Variants in GPHN observed in about 807,000 individuals in gnomAD.
GPHN encodes the protein gephyrin.
A neutral mutation model predicts 95.5 loss-of-function variants in GPHN; 17 were observed. The ratio of observed to expected loss-of-function variants is 0.18; its 90% confidence interval spans 0.12 to 0.27. The LOEUF is 0.27. Ranked by LOEUF, GPHN falls within the 10% of genes least tolerant of loss-of-function variation. The pLI is 1.00. For missense variants in GPHN, 660 were observed against 978.1 expected (o/e 0.67, Z 4.34); for synonymous variants, 320 against 322.5 (o/e 0.99, Z 0.08).
chr14:67,662,190 A>AAAAC, the GPHN span, among the ~76,000 whole-genome samples: 2 of 151,728 alleles, frequency 1.3e-5, no homozygotes, highest in African/African-American at 4.9e-5. Context: ...AAAAAAAAAA[A>AAAAC]CAACAGATTT....
At chr14:66,514,704 TTG>T (rs1228783143) in intron 1 of GPHN, among the ~76,000 whole-genome samples, 3 of 152,126 alleles carry the variant, frequency 2.0e-5, no homozygotes, top group African/African-American at 7.2e-5. Flanking sequence ...TTAGAAATTT[TTG>T]TGACATTAAT....
At chr14:67,573,893 C>T in the GPHN span, 3 of 1,601,644 alleles carry the variant, frequency 1.9e-6, no homozygotes, top group South Asian at 2.2e-5. This position sits in a 1 kb window ranked among gnomAD's most constrained non-coding sequence, Gnocchi z 4.8. Flanking sequence ...TTCAGGTGAG[C>T]ACGCTCCTGG....
intron 3 of GPHN, among the ~76,000 whole-genome samples, chr14:66,779,340 A>G (rs936392876): frequency 6.6e-6 from 1 of 152,214 alleles, no homozygotes; most frequent in Non-Finnish European, 1.5e-5. Flanking sequence ...TTGACATTCA[A>G]TAATGACTTC....
At chr14:66,777,560 T>G (rs888084864) in intron 3 of GPHN, among the ~76,000 whole-genome samples, 5 of 152,246 alleles carry the variant, frequency 3.3e-5, no homozygotes, top group Non-Finnish European at 5.9e-5. Flanking sequence ...TGAACATTGA[T>G]GCAAAAATCC....
At chr14:67,591,511 T>C in the GPHN span, among the ~76,000 whole-genome samples, 1 of 152,212 alleles carries the variant, frequency 6.6e-6, no homozygotes, top group South Asian at 2.1e-4. Context: ...CCTCTAAATT[T>C]ATTATTTTGT....
At chr14:67,645,649 A>T in the GPHN span, 2 of 1,612,676 alleles carry the variant, frequency 1.2e-6, no homozygotes, top group African/African-American at 1.3e-5. Context: ...GCAGCCTGGC[A>T]ATCGGTACCA....
At chr14:66,648,868 G>A (rs908726957) in intron 1 of GPHN, among the ~76,000 whole-genome samples, 9 of 152,146 alleles carry the variant, frequency 5.9e-5, no homozygotes, top group Non-Finnish European at 8.8e-5. Flanking sequence ...TTTAGTTGTT[G>A]CCTGTTCCCT....
the GPHN span, among the ~76,000 whole-genome samples, chr14:67,339,719 T>C: frequency 6.6e-6 from 1 of 152,214 alleles, no homozygotes; most frequent in Non-Finnish European, 1.5e-5. Flanking sequence ...ATGAAATACA[T>C]ATTTGTTGAA....
chr14:66,884,291 A>G (rs1284215657), intron 5 of GPHN, among the ~76,000 whole-genome samples: 4 of 152,058 alleles, frequency 2.6e-5, no homozygotes, highest in African/African-American at 9.7e-5. Context: ...TCAGTCCCAA[A>G]TCTGCCTGCT....
chr14:67,199,299 A>C, the GPHN span: 1 of 1,607,460 alleles, frequency 6.2e-7, no homozygotes, highest in Admixed American at 1.7e-5. Context: ...ATCAGACTCT[A>C]TGGGAAGCCA....
the GPHN span, chr14:67,691,269 TG>T: frequency 6.4e-7 from 1 of 1,551,610 alleles, no homozygotes; most frequent in African/African-American, 1.4e-5. Flanking sequence ...CGATGGAGCG[TG>T]GAAGTGGCTA....
At chr14:67,110,867 T>C (rs1198145966) in intron 14 of GPHN, among the ~76,000 whole-genome samples, 1 of 152,190 alleles carries the variant, frequency 6.6e-6, no homozygotes, top group African/African-American at 2.4e-5. Flanking sequence ...TCTCCCTCCA[T>C]TGCCTCAAGT....
intron 10 of GPHN, among the ~76,000 whole-genome samples, chr14:67,037,083 G>A (rs1040287138): frequency 6.6e-6 from 1 of 151,966 alleles, no homozygotes; most frequent in Non-Finnish European, 1.5e-5. Context: ...CATAAAGACA[G>A]ACATATAAAC....
intron 3 of GPHN, among the ~76,000 whole-genome samples, chr14:66,792,352 A>G (rs2060000156): frequency 6.6e-6 from 1 of 152,028 alleles, no homozygotes; most frequent in Admixed American, 6.6e-5. Context: ...AAAATAAATA[A>G]AATAATACAA....
rs879125093 is a variant in GPHN at position 66,592,728 on chromosome 14, T to C, written c.64+84137T>C. Among the ~76,000 whole-genome samples, 8 of 152,156 alleles carry C rather than the reference T, an allele frequency of 5.3e-5. No individual in the cohort carries two copies. In the South Asian group the frequency reaches 6.2e-4, roughly 12 times the overall value. ...AGAGTGTGAATTAGTTCAACCATTG[T>C]GGAAGACACTGGTGATTCCTCAAGG... On this transcript the variant is annotated intron_variant, in intron 1 of 22. Coordinates refer to ENST00000478722, the MANE Select transcript of GPHN (RefSeq NM_020806.5).
the GPHN span, chr14:67,197,289 G>A: frequency 6.6e-6 from 1 of 152,288 alleles, no homozygotes; most frequent in South Asian, 2.1e-4. Context: ...ATGAAAAGGA[G>A]GAAGCTCAAA....
the GPHN span, among the ~76,000 whole-genome samples, chr14:67,341,246 C>T: frequency 6.6e-6 from 1 of 151,720 alleles, no homozygotes; most frequent in African/African-American, 2.4e-5. Flanking sequence ...TCTGCCCGGC[C>T]GCCCATCGTC....
intron 22 of GPHN, 85 bp from the exon 23 acceptor site, chr14:67,180,719 T>C: frequency 7.5e-7 from 1 of 1,325,658 alleles, no homozygotes; most frequent in Non-Finnish European, 1.1e-6. Flanking sequence ...CATTTCTGTC[T>C]GTTTACATTT....
chr14:66,642,728 T>C (rs1476030665), intron 1 of GPHN, among the ~76,000 whole-genome samples: 2 of 152,094 alleles, frequency 1.3e-5, no homozygotes, highest in African/African-American at 4.8e-5. Context: ...TCTGCATATA[T>C]GCTTCTACCT....
Sources: gnomAD v4.1 joint callset for allele counts (sites outside exome capture counted in the v4.1 genomes callset) on GRCh38, gnomAD v4.1.1 for gene constraint, Gnocchi (gnomAD v3.1) non-coding constraint, MANE v1.5 for transcripts, NCBI Gene and HGNC (gene_info 2026-07-23, HGNC 2026-07-21) for gene names.